Variants in TMEM132D observed in about 807,000 individuals in gnomAD.
TMEM132D encodes the protein mature OL transmembrane protein.
A neutral mutation model predicts 62.3 loss-of-function variants in TMEM132D; 21 were observed. That is an observed-to-expected ratio of 0.34 (90% confidence interval 0.24 to 0.49). The LOEUF is 0.49. TMEM132D is among the 20% of genes least tolerant of loss of function. The pLI is 0.99. For missense variants in TMEM132D, 1,346 were observed against 1,402.8 expected (o/e 0.96, Z 0.65); for synonymous variants, 621 against 575.6 (o/e 1.08, Z -1.13).
chr12:129,188,459 G>A (rs905412982), intron 5 of TMEM132D, among the ~76,000 whole-genome samples: 1 of 152,208 alleles, frequency 6.6e-6, no homozygotes, highest in Non-Finnish European at 1.5e-5. Context: ...ATCAGAGGTT[G>A]TGAGTTTTGT....
chr12:129,530,263 A>G (rs1432825355), intron 3 of TMEM132D, among the ~76,000 whole-genome samples: 1 of 152,230 alleles, frequency 6.6e-6, no homozygotes, highest in African/African-American at 2.4e-5. Context: ...CTGAGCTAGG[A>G]AGTTTAAAAA....
At chr12:129,462,441 CA>C (rs966526329) in intron 3 of TMEM132D, among the ~76,000 whole-genome samples, 22 of 150,850 alleles carry the variant, frequency 1.5e-4, no homozygotes, top group South Asian at 4.2e-4. Flanking sequence ...GTATTACAGA[CA>C]AAAAAAAATT....
intron 5 of TMEM132D, among the ~76,000 whole-genome samples, chr12:129,142,959 C>G (rs1169414296): frequency 6.6e-6 from 1 of 152,144 alleles, no homozygotes. Flanking sequence ...AAAAATCTCT[C>G]AAACTGTGTT....
At chr12:129,704,527 G>T (rs1260439811) in intron 1 of TMEM132D, among the ~76,000 whole-genome samples, 1 of 152,176 alleles carries the variant, frequency 6.6e-6, no homozygotes. Context: ...TAGCCACACT[G>T]CTCCTGGAAT....
rs141410762 is a variant in TMEM132D at position 129,416,672 on chromosome 12, T to C, written c.1116-78855A>G. ...GCCTCCAGTTTTTGCCCATTCAATA[T>C]GTTATTGGCTATGGGTTTTTCATAA... On this transcript the variant is annotated intron_variant, in intron 3 of 8. Transcript: ENST00000422113. Among the ~76,000 whole-genome samples, 338 of 152,340 alleles carry C rather than the reference T, an allele frequency of 2.2e-3. 3 individuals carry two copies. The highest frequency in any genetic ancestry group is 7.8e-3 in the African/African-American group (325 of 41,576).
At chr12:129,850,809 T>A (rs1020044640) in intron 1 of TMEM132D, among the ~76,000 whole-genome samples, 1 of 152,234 alleles carries the variant, frequency 6.6e-6, no homozygotes, top group African/African-American at 2.4e-5. Flanking sequence ...GATTTATTCA[T>A]ATTTATGCAA....
At chr12:129,888,327 T>C (rs1874809625) in intron 1 of TMEM132D, among the ~76,000 whole-genome samples, 2 of 152,220 alleles carry the variant, frequency 1.3e-5, no homozygotes, top group African/African-American at 2.4e-5. Context: ...GAAGTCACTA[T>C]TGAGGCAACA....
At chr12:129,895,690 C>T (rs1414018946) in intron 1 of TMEM132D, among the ~76,000 whole-genome samples, 1 of 152,192 alleles carries the variant, frequency 6.6e-6, no homozygotes, top group African/African-American at 2.4e-5. Context: ...ATTTGTGGCT[C>T]TCCCAATATA....
At chr12:129,379,486 C>T (rs546008861) in intron 3 of TMEM132D, among the ~76,000 whole-genome samples, 10 of 152,326 alleles carry the variant, frequency 6.6e-5, no homozygotes, top group Middle Eastern at 3.4e-3. Flanking sequence ...CCTGACACGT[C>T]TGTAGTGGTA....
chr12:129,407,307 C>G (rs1871820815), intron 3 of TMEM132D, among the ~76,000 whole-genome samples: 1 of 152,054 alleles, frequency 6.6e-6, no homozygotes, highest in Admixed American at 6.6e-5. Flanking sequence ...CTTTAAAATA[C>G]AACACAACAC....
rs756976748 is a variant in TMEM132D at position 129,074,567 on chromosome 12, T to C, written c.2608A>G (p.Ser870Gly). The change falls in exon 9 of 9, where the codon AGC becomes GGC. Residue 870 changes from serine (S) to glycine (G), a missense_variant. Physicochemically the swap from Ser to Gly is moderately conservative, Grantham distance 56. Transcript: ENST00000422113. Reference sequence around the variant, plus strand: ...AAGTGGCTGTTGTCATCTAAAAGGCTTTCCTGGCCTTTCTTCTTCTGCAGG... The same window carrying C: ...AAGTGGCTGTTGTCATCTAAAAGGCCTTCCTGGCCTTTCTTCTTCTGCAGG... The part of the protein sequence containing the change: ...SILQKKKGQE[S>G]LLDDNSHLQT... 1 of 1,614,066 alleles carries C rather than the reference T, an allele frequency of 6.2e-7. No homozygotes were observed. Among genetic ancestry groups the C allele is most frequent in the South Asian group, 1.1e-5 (1 of 91,082 alleles).
chr12:129,682,230 T>A (rs1336238081), intron 2 of TMEM132D, among the ~76,000 whole-genome samples: 1 of 152,234 alleles, frequency 6.6e-6, no homozygotes, highest in African/African-American at 2.4e-5. Context: ...GATACATTTC[T>A]TGGTAGATGG....
chr12:129,738,696 A>G (rs1021216089), intron 1 of TMEM132D, among the ~76,000 whole-genome samples: 45 of 152,114 alleles, frequency 3.0e-4, no homozygotes, highest in African/African-American at 1.1e-3. Flanking sequence ...ACCAAGTCTC[A>G]GCGATTTAGG....
Position 129,619,679 on chromosome 12 carries a change from C to T in TMEM132D, c.968+80131G>A, listed in dbSNP as rs147987488. Among the ~76,000 whole-genome samples the T allele has an allele frequency of 6.5e-3, 996 of 152,190 alleles. 4 individuals are homozygous for T. The highest frequency in any genetic ancestry group is 9.9e-3 in the Non-Finnish European group (675 of 68,006). On this transcript the variant is annotated intron_variant, in intron 2 of 8. Coordinates refer to ENST00000422113, the MANE Select transcript of TMEM132D (RefSeq NM_133448.3). ...TGCAGAACTAAATTCTTTTAATGTC[C>T]CCATTATAAATTCCTGTTTCCAGTG...
chr12:129,874,174 C>T (rs1001195303), intron 1 of TMEM132D, among the ~76,000 whole-genome samples: 3 of 152,166 alleles, frequency 2.0e-5, no homozygotes, highest in African/African-American at 4.8e-5. Flanking sequence ...CCACAAAATA[C>T]GATAAATATG....
chr12:129,584,092 T>TA (rs1877951329), intron 2 of TMEM132D, among the ~76,000 whole-genome samples: 1 of 152,164 alleles, frequency 6.6e-6, no homozygotes, highest in Non-Finnish European at 1.5e-5. Flanking sequence ...AAAAGGCTAA[T>TA]AAATAGTTGG....
intron 3 of TMEM132D, among the ~76,000 whole-genome samples, chr12:129,393,731 T>C (rs1566055249): frequency 6.6e-6 from 1 of 152,172 alleles, no homozygotes; most frequent in Non-Finnish European, 1.5e-5. Flanking sequence ...GCTTAAACAC[T>C]TGAGCAAGCA....
chr12:129,117,129 A>G (rs543306105), intron 5 of TMEM132D, among the ~76,000 whole-genome samples: 42 of 152,262 alleles, frequency 2.8e-4, no homozygotes, highest in Non-Finnish European at 5.0e-4. Context: ...CCTTAAATAC[A>G]TATTACCAAG....
At chr12:129,710,435 A>G (rs894020609) in intron 1 of TMEM132D, among the ~76,000 whole-genome samples, 2 of 151,976 alleles carry the variant, frequency 1.3e-5, no homozygotes, top group Non-Finnish European at 2.9e-5. Context: ...AGCTGGGATT[A>G]CAGGTGCCTG....
Sources: allele counts gnomAD v4.1 joint callset (sites outside exome capture counted in the v4.1 genomes callset), GRCh38; gene constraint gnomAD v4.1.1; transcripts MANE v1.5; gene names NCBI Gene and HGNC (gene_info 2026-07-23, HGNC 2026-07-21).